Variants in RNF125 observed in about 807,000 individuals in gnomAD.
RNF125 encodes ring finger protein 125.
Under a neutral mutation model 26.0 loss-of-function variants are expected in RNF125, and 21 were observed. That is an observed-to-expected ratio of 0.81 (90% CI 0.57 to 1.16). RNF125 has a LOEUF of 1.16. RNF125 is among the 50% of genes most tolerant of loss of function. The pLI is 0.00. For missense variants in RNF125, 270 were observed against 299.4 expected, an observed-to-expected ratio of 0.90 and a Z score of 0.72; for synonymous variants, 95 against 109.2, an observed-to-expected ratio of 0.87 and a Z score of 0.81.
rs2039542781 is a variant in RNF125 at position 32,072,596 on chromosome 18, G to A, written c.*4212G>A. On this transcript the variant is annotated 3_prime_UTR_variant, in exon 6 of 6. Transcript: ENST00000217740. Reference sequence around the variant, plus strand: ...ATTATTTTGTGTTCTGAATTATTTTGAGCTCTAAAATGGTAAAGTACAAAT... The same window carrying A: ...ATTATTTTGTGTTCTGAATTATTTTAAGCTCTAAAATGGTAAAGTACAAAT... 1 of 152,114 alleles carries A rather than the reference G, an allele frequency of 6.6e-6. No individual in the cohort carries two copies. The highest frequency in any genetic ancestry group is 1.5e-5 in the Non-Finnish European group (1 of 68,026). The allele number at this position is 152,114 out of a possible 1,614,324, so 9.4% of individuals were successfully genotyped here. A position where few individuals can be genotyped will look rare whatever the true frequency, so the allele number is the denominator to read the frequency against.
the RNF125 span, among the ~76,000 whole-genome samples, chr18:32,088,849 A>G: frequency 6.6e-6 from 1 of 152,146 alleles, no homozygotes; most frequent in South Asian, 2.1e-4. Flanking sequence ...GGCAAGGGGA[A>G]AAGTCCATTC....
chr18:32,081,194 A>G, the RNF125 span, among the ~76,000 whole-genome samples: 7 of 29,744 alleles, frequency 2.4e-4, no homozygotes, highest in African/African-American at 4.5e-4. Flanking sequence ...ACTACATCTG[A>G]AAAAAAAAAA....
chr18:32,079,212 T>C, the RNF125 span, among the ~76,000 whole-genome samples: 1 of 152,164 alleles, frequency 6.6e-6, no homozygotes, highest in African/African-American at 2.4e-5. Context: ...ACTGCGTCCT[T>C]ACATGGTGGG....
rs535350713 is a variant in RNF125 at position 32,056,580 on chromosome 18, C to T, written c.505-9322C>T. On this transcript the variant is annotated intron_variant, in intron 4 of 5. Coordinates refer to ENST00000217740, the MANE Select transcript of RNF125 (RefSeq NM_017831.4). ...GCGTTGCAGTGAGCCAAGATCACGC[C>T]GTTGCACTCTAGCCTGGGCAAAAAG... is the stretch of plus-strand genomic sequence containing the variant. 2.0e-4 allele frequency among the ~76,000 whole-genome samples: 29 copies of T among 144,412 alleles called. No individual in the cohort carries two copies. In the South Asian group the frequency reaches 2.6e-3, roughly 13 times the overall value. The allele number at this position is 144,412 out of a possible 152,430, so 94.7% of individuals were successfully genotyped here.
intron 4 of RNF125, among the ~76,000 whole-genome samples, chr18:32,056,782 T>G (rs2144503144): frequency 6.6e-6 from 1 of 152,264 alleles, no homozygotes; most frequent in Admixed American, 6.5e-5. Context: ...TGAGAACAGG[T>G]GCAAAAGAAA....
At chr18:32,022,799 T>G (rs916459655) in intron 1 of RNF125, among the ~76,000 whole-genome samples, 13 of 152,194 alleles carry the variant, frequency 8.5e-5, no homozygotes, top group African/African-American at 3.1e-4. Flanking sequence ...CCTGGTTGTT[T>G]ATTTCACCAG....
At chr18:32,042,443 G>A (rs1308956415) in intron 3 of RNF125, among the ~76,000 whole-genome samples, 170 bp downstream of exon 3, 2 of 152,136 alleles carry the variant, frequency 1.3e-5, no homozygotes, top group African/African-American at 4.8e-5. Flanking sequence ...CATTGTTAAG[G>A]AATTTTGCAC....
the RNF125 span, among the ~76,000 whole-genome samples, chr18:32,083,702 A>G: frequency 2.0e-5 from 3 of 152,006 alleles, no homozygotes; most frequent in Non-Finnish European, 2.9e-5. Context: ...GCTTGAGCTC[A>G]GAAGTTTGAA....
the RNF125 span, among the ~76,000 whole-genome samples, chr18:32,084,591 G>C: frequency 6.6e-6 from 1 of 152,186 alleles, no homozygotes; most frequent in African/African-American, 2.4e-5. Context: ...GAAGGTGGCT[G>C]CCCCACAGCT....
intron 4 of RNF125, among the ~76,000 whole-genome samples, chr18:32,060,184 G>T (rs1320459517): frequency 6.6e-6 from 1 of 152,312 alleles, no homozygotes; most frequent in South Asian, 2.1e-4. Context: ...AGAAACCACA[G>T]GGCTAAGGGG....
downstream of RNF125, chr18:32,075,933 T>G (rs528477206): frequency 3.3e-5 from 50 of 1,517,824 alleles, no homozygotes; most frequent in East Asian, 1.1e-3. Flanking sequence ...TCGTCTTTGC[T>G]TCTTCATGGT....
intron 3 of RNF125, among the ~76,000 whole-genome samples, chr18:32,043,010 G>T (rs914791757): frequency 6.6e-6 from 1 of 151,614 alleles, no homozygotes; most frequent in African/African-American, 2.4e-5. Context: ...TTAGCTGGGC[G>T]TGGTGGCGCA....
intron 4 of RNF125, among the ~76,000 whole-genome samples, chr18:32,064,752 G>A (rs947201143): frequency 6.6e-6 from 1 of 151,948 alleles, no homozygotes; most frequent in African/African-American, 2.4e-5. Context: ...TGAACTCTGG[G>A]CCTCAAGTAA....
intron 4 of RNF125, among the ~76,000 whole-genome samples, chr18:32,051,708 T>C (rs2039330409): frequency 6.6e-6 from 1 of 150,426 alleles, no homozygotes; most frequent in Admixed American, 6.6e-5. Flanking sequence ...TTTTTTTTTT[T>C]TGTTTGAGAT....
chr18:32,035,614 A>C (rs2039144996), intron 1 of RNF125, among the ~76,000 whole-genome samples: 1 of 152,168 alleles, frequency 6.6e-6, no homozygotes, highest in Non-Finnish European at 1.5e-5. Flanking sequence ...AATATAATGA[A>C]TCTTTTGACC....
At chr18:32,023,890 C>T (rs948309389) in intron 1 of RNF125, among the ~76,000 whole-genome samples, 1 of 152,170 alleles carries the variant, frequency 6.6e-6, no homozygotes, top group Non-Finnish European at 1.5e-5. Flanking sequence ...GACCCCATCT[C>T]TACTACACAA....
At chr18:32,085,103 C>A in the RNF125 span, among the ~76,000 whole-genome samples, 1 of 152,142 alleles carries the variant, frequency 6.6e-6, no homozygotes. Context: ...TCACTTGCCT[C>A]TCCTCTCCTT....
chr18:32,080,591 G>T, the RNF125 span, among the ~76,000 whole-genome samples: 1 of 152,216 alleles, frequency 6.6e-6, no homozygotes, highest in African/African-American at 2.4e-5. Context: ...AAGTAGAAAA[G>T]GGGAGTTGTT....
At chr18:32,023,219 C>T (rs1488804809) in intron 1 of RNF125, among the ~76,000 whole-genome samples, 3 of 152,174 alleles carry the variant, frequency 2.0e-5, no homozygotes, top group Admixed American at 6.6e-5. Flanking sequence ...GTGGCGTGAT[C>T]TCAGCTCGCT....
Sources: allele counts gnomAD v4.1 joint callset (sites outside exome capture counted in the v4.1 genomes callset), GRCh38; gene constraint gnomAD v4.1.1; transcripts MANE v1.5; gene names NCBI Gene and HGNC (gene_info 2026-07-23, HGNC 2026-07-21).